The following GTF2H2C variants were observed in gnomAD, a reference collection of about 807,000 sequenced individuals.
The protein encoded by GTF2H2C is general transcription factor IIH subunit 2-like protein.
A neutral mutation model predicts 24.8 loss-of-function variants in GTF2H2C; 5 were observed. The observed-to-expected ratio is 0.20, with a 90% CI of 0.11 to 0.42. The LOEUF (loss-of-function observed/expected upper bound fraction) is 0.42. GTF2H2C is among the 20% of genes least tolerant of loss of function. The pLI, the probability that GTF2H2C is intolerant of heterozygous loss-of-function variation, is 1.00. For synonymous variants in GTF2H2C, 14 were observed against 52.6 expected, an observed-to-expected ratio of 0.27 and a Z score of 3.18; for missense variants, 45 against 169.8, an observed-to-expected ratio of 0.27 and a Z score of 4.08.
At chr5:69,568,528 T>C (rs1369183144) in intron 8 of GTF2H2C, 1 of 190,756 alleles carries the variant, frequency 5.2e-6, no homozygotes, top group Non-Finnish European at 9.5e-6. Context: ...AGATGGAGTC[T>C]TGCTCTGTCG....
intron 1 of GTF2H2C, among the ~76,000 whole-genome samples, chr5:69,561,859 G>A (rs1031651329): frequency 2.1e-4 from 32 of 151,696 alleles, no homozygotes; most frequent in Non-Finnish European, 3.1e-4. Context: ...TGATCTGAGC[G>A]CCTGAACTCA....
rs529398376 is a variant in GTF2H2C, at chr5:69,563,131, T to G, written c.-34+361T>G. Among the ~76,000 whole-genome samples, 165 of 149,518 alleles carry G rather than the reference T, an allele frequency of 1.1e-3. 3 individuals are homozygous for G. Among genetic ancestry groups the G allele is most frequent in the Admixed American group, 2.0e-3 (30 of 14,942 alleles). On this transcript the variant is annotated intron_variant, in intron 2 of 16. Transcript: ENST00000380729. The stretch of plus-strand genomic sequence containing the variant: ...CCAACCTCCTAGCTAATTTTCAAAC[T>G]CCTGACCTCAAGTGATCACCTGCTT...
rs1401469912 is a variant in GTF2H2C at position 69,594,214 on chromosome 5, G to A, written c.*2016G>A. The A allele has an allele frequency of 5.8e-5, 5 of 86,152 alleles. No individual in the cohort carries two copies. Among genetic ancestry groups the A allele is most frequent in the Admixed American group, 1.3e-4 (1 of 7,462 alleles). The allele number at this position is 86,152 out of a possible 1,614,324, so 5.3% of individuals were successfully genotyped here. ...TGGGACTACAGGCGCCTGCCACCACGCCTGGCTAATTTTTGCATTTTTGGT... is the reference window on the plus strand; with the variant it reads ...TGGGACTACAGGCGCCTGCCACCACACCTGGCTAATTTTTGCATTTTTGGT... On this transcript the variant is annotated 3_prime_UTR_variant, in exon 17 of 17. Coordinates refer to ENST00000380729, the MANE Select transcript of GTF2H2C (RefSeq NM_001376000.2).
chr5:69,568,359 T>A, intron 8 of GTF2H2C, 152 bp downstream of exon 8: 1 of 521,238 alleles, frequency 1.9e-6, no homozygotes, highest in Non-Finnish European at 3.5e-6. Flanking sequence ...TCCCCCACCA[T>A]TATATTCTTA....
At chr5:69,566,069 AT>A (rs1770736157) in intron 3 of GTF2H2C, 61 bp from the exon 4 acceptor site, 1 of 1,320,370 alleles carries the variant, frequency 7.6e-7, no homozygotes, top group African/African-American at 1.5e-5. Flanking sequence ...ATATATTTTC[AT>A]TTCATTTGGG....
rs1314900931 is a variant in GTF2H2C, at chr5:69,594,477, A to ACACT, written c.*2280_*2281insACTC. 4.0e-5 allele frequency: 6 copies of ACACT among 149,742 alleles called. No homozygotes were observed. Among genetic ancestry groups the ACACT allele is most frequent in the African/African-American group, 1.5e-4 (6 of 40,794 alleles). 9.3% of individuals were successfully genotyped at this position (149,742 alleles called of 1,614,324 possible). A position where few individuals can be genotyped will look rare whatever the true frequency, so the allele number is the denominator to read the frequency against. ...CACACACACACACACACACACACAC[A>ACACT]CTGATCAGAGTAACGGGAGTTTCTC... On this transcript the variant is annotated 3_prime_UTR_variant, in exon 17 of 17. Transcript: ENST00000380729.
chr5:69,577,579 C>T (rs1183721586), intron 9 of GTF2H2C, among the ~76,000 whole-genome samples: 1 of 96,680 alleles, frequency 1.0e-5, no homozygotes, highest in Non-Finnish European at 2.0e-5. Context: ...TTAGTAGAGA[C>T]GGGGTTTCAC....
intron 1 of GTF2H2C, chr5:69,560,725 T>C (rs1296730727): frequency 6.6e-6 from 1 of 151,618 alleles, no homozygotes. Flanking sequence ...ACGTGGATTG[T>C]TTGGGGTTGG....
chr5:69,590,042 G>A (rs1270594275), intron 15 of GTF2H2C, among the ~76,000 whole-genome samples: 11 of 148,408 alleles, frequency 7.4e-5, no homozygotes, highest in Non-Finnish European at 4.5e-5. Flanking sequence ...CTGCCATCAC[G>A]CCCAGCTAAT....
intron 1 of GTF2H2C, among the ~76,000 whole-genome samples, chr5:69,561,955 G>A (rs185755201): frequency 0.013 from 1,982 of 152,176 alleles, 22 homozygotes; most frequent in Admixed American, 0.024. Flanking sequence ...GTTTAAAAAC[G>A]TTGAGAACGT....
intron 1 of GTF2H2C, among the ~76,000 whole-genome samples, chr5:69,562,154 A>C (rs1378541921): frequency 2.6e-5 from 4 of 152,088 alleles, no homozygotes; most frequent in African/African-American, 7.2e-5. Context: ...CCCCATTTCT[A>C]CTAAAAACAC....
intron 1 of GTF2H2C, among the ~76,000 whole-genome samples, chr5:69,560,752 C>T (rs1488134106): frequency 3.3e-5 from 5 of 151,854 alleles, no homozygotes; most frequent in Admixed American, 3.3e-4. Context: ...GGAAACAGAT[C>T]ACTTAAAAAA....
At chr5:69,564,020 A>G (rs891241498) in intron 2 of GTF2H2C, among the ~76,000 whole-genome samples, 2 of 150,420 alleles carry the variant, frequency 1.3e-5, no homozygotes, top group Non-Finnish European at 3.0e-5. Context: ...CAGGTGATCC[A>G]CTTGCCTTGG....
rs769658526 is a variant in GTF2H2C, at chr5:69,567,696, TTATC to T, written c.259-28_259-25del. ...GTTCTTTATGATTGTTATTTTGCCT[TTATC>T]TAGTATGTCTTTTTTTGTTTAAACA... On this transcript the variant is annotated intron_variant, in intron 6 of 16. Coordinates refer to ENST00000380729, the MANE Select transcript of GTF2H2C (RefSeq NM_001376000.2). 39 of 1,549,358 alleles carry T rather than the reference TTATC, an allele frequency of 2.5e-5. No individual in the cohort carries two copies. The East Asian group carries it at 5.9e-4, about 23-fold the overall frequency.
At chr5:69,573,141 T>TAC (rs1465676624) in intron 9 of GTF2H2C, among the ~76,000 whole-genome samples, 55 of 62,320 alleles carry the variant, frequency 8.8e-4, no homozygotes, top group East Asian at 5.4e-3. Flanking sequence ...ATATCTATTA[T>TAC]ATATACACAC....
intron 8 of GTF2H2C, chr5:69,568,741 C>T (rs1192566360): frequency 3.2e-5 from 3 of 94,024 alleles, no homozygotes; most frequent in African/African-American, 8.2e-5. Context: ...GTGATCAGCC[C>T]GCCTCAGCCT....
intron 2 of GTF2H2C, among the ~76,000 whole-genome samples, chr5:69,563,836 G>T (rs752705378): frequency 6.6e-6 from 1 of 151,890 alleles, no homozygotes; most frequent in Non-Finnish European, 1.5e-5. Flanking sequence ...GCAGTGGCAC[G>T]ATCTCGGCTC....
At position 69,594,503 on chromosome 5, in the gene GTF2H2C, T is replaced by C. The variant is rs1254928689; in HGVS notation, c.*2305T>C. The C allele has an allele frequency of 6.7e-6, 1 of 149,618 alleles. No homozygotes were observed. Among genetic ancestry groups the C allele is most frequent in the East Asian group, 2.0e-4 (1 of 5,120 alleles). The allele number at this position is 149,618 out of a possible 1,614,324, so 9.3% of individuals were successfully genotyped here. ...CTGATCAGAGTAACGGGAGTTTCTC[T>C]CAGGAGTCATACTCCATGAGCCTGG... On this transcript the variant is annotated 3_prime_UTR_variant, in exon 17 of 17. Transcript: ENST00000380729.
intron 8 of GTF2H2C, chr5:69,568,476 A>AT (rs1198816608): frequency 2.8e-4 from 74 of 263,400 alleles, no homozygotes; most frequent in Middle Eastern, 1.4e-3. Context: ...TTATCCTGAA[A>AT]TTTTTTTTTC....
Sources: allele counts gnomAD v4.1 joint callset (sites outside exome capture counted in the v4.1 genomes callset), GRCh38; gene constraint gnomAD v4.1.1; transcripts MANE v1.5; gene names NCBI Gene and HGNC (gene_info 2026-07-23, HGNC 2026-07-21).